The following ULK2 variants were observed in gnomAD, a reference collection of about 807,000 sequenced individuals.
ULK2 encodes the protein serine/threonine-protein kinase ULK2.
ULK2 carries 76 observed loss-of-function variants against 127.5 expected under a neutral mutation model. The observed-to-expected ratio is 0.60, with a 90% CI of 0.50 to 0.72. ULK2 has a LOEUF of 0.72. Ranked by LOEUF, ULK2 falls within the 30% of genes least tolerant of loss-of-function variation. ULK2 has a pLI of 0.00. For synonymous variants in ULK2, 452 were observed against 461.9 expected (o/e 0.98, Z 0.28); for missense variants, 1,144 against 1,295.9 (o/e 0.88, Z 1.80).
intron 18 of ULK2, among the ~76,000 whole-genome samples, chr17:19,796,902 T>G (rs2087284173): frequency 6.6e-6 from 1 of 152,214 alleles, no homozygotes; most frequent in African/African-American, 2.4e-5. Flanking sequence ...TAAGCCTCAA[T>G]TTCCTTTTTT....
In ULK2 at chr17:19,775,873, T is replaced by G. The variant is rs2086803720; in HGVS notation, c.*476A>C. The stretch of plus-strand genomic sequence containing the variant: ...TCTTAAGCTATTTCTTCCTGAGCTG[T>G]TTAAAGATGCATGCTCAGATTTAAA... On this transcript the variant is annotated 3_prime_UTR_variant, in exon 27 of 27. Transcript: ENST00000395544. 1 of 153,416 alleles carries G rather than the reference T, an allele frequency of 6.5e-6. No homozygotes were observed. Among genetic ancestry groups the G allele is most frequent in the African/African-American group, 2.4e-5 (1 of 41,492 alleles). 9.5% of individuals were successfully genotyped at this position (153,416 alleles called of 1,614,324 possible).
intron 3 of ULK2, among the ~76,000 whole-genome samples, chr17:19,856,999 A>G (rs1351296300): frequency 1.4e-5 from 2 of 148,004 alleles, no homozygotes; most frequent in Non-Finnish European, 3.0e-5. Flanking sequence ...AAAAAAAAAA[A>G]AAAAAGAGTT....
chr17:19,781,384 A>C (rs2086917095), intron 23 of ULK2, among the ~76,000 whole-genome samples: 1 of 151,060 alleles, frequency 6.6e-6, no homozygotes, highest in Non-Finnish European at 1.5e-5. Context: ...AATAGTTGGG[A>C]CCACAGGGAC....
chr17:19,777,986 G>A (rs1467183108), intron 25 of ULK2, among the ~76,000 whole-genome samples: 1 of 152,096 alleles, frequency 6.6e-6, no homozygotes, highest in Non-Finnish European at 1.5e-5. Flanking sequence ...TTCTAAACTG[G>A]CTCTTTTATG....
At chr17:19,795,110 CA>C (rs2087239353) in intron 20 of ULK2, among the ~76,000 whole-genome samples, 1 of 151,852 alleles carries the variant, frequency 6.6e-6, no homozygotes, top group Non-Finnish European at 1.5e-5. Flanking sequence ...TTTAAGCAAG[CA>C]AGTCTGGAAT....
intron 1 of ULK2, among the ~76,000 whole-genome samples, chr17:19,867,000 A>G (rs995533869): frequency 1.3e-5 from 2 of 152,250 alleles, no homozygotes; most frequent in African/African-American, 2.4e-5. Flanking sequence ...TTCACGCCCA[A>G]CCCTCGAGTC....
chr17:19,825,885 C>T (rs556471298), intron 11 of ULK2, among the ~76,000 whole-genome samples: 1 of 151,614 alleles, frequency 6.6e-6, no homozygotes, highest in Non-Finnish European at 1.5e-5. Context: ...ACTCCAGAGG[C>T]TGAGGCAGGA....
At chr17:19,845,523 A>C in intron 6 of ULK2, 146 bp from the exon 7 acceptor site, 1 of 585,624 alleles carries the variant, frequency 1.7e-6, no homozygotes, top group Non-Finnish European at 3.0e-6. Flanking sequence ...CCAAAAAAAA[A>C]GTAGCTACCT....
chr17:19,867,340 C>T lies in ULK2; in HGVS notation c.78G>A (p.Gly26=), dbSNP rs1353390540. The T allele has an allele frequency of 1.3e-6, 2 of 1,598,500 alleles. No individual in the cohort carries two copies. ...GHGAFAVVFR[G]RHRQKTDWEV... ...GGCCGGCGCTCACCTGGCGGTGCCG[C>T]CCCCGGAAGACCACGGCGAAGGCCC... Residue 26 remains glycine (G), a synonymous_variant, in exon 1 of 27, where the codon GGG becomes GGA. Coordinates refer to ENST00000395544, the MANE Select transcript of ULK2 (RefSeq NM_014683.4).
Position 19,801,843 on chromosome 17 carries a change from T to C in ULK2, c.1375A>G (p.Thr459Ala), listed in dbSNP as rs1215767602. The C allele has an allele frequency of 3.1e-6, 5 of 1,614,260 alleles. No individual in the cohort carries two copies. The highest frequency in any genetic ancestry group is 2.7e-5 in the African/African-American group (2 of 75,088). ...AGCCTTCGTCCAACTGTCTGTGCTG[T>C]GTCTGCTGGTACTGGGGAGCATGAT... ...PGSCSPVPAD[T>A]AQTVGRRLST... is the part of the protein sequence containing the mutation. The change falls in exon 16 of 27, where the codon ACA (threonine) becomes GCA (alanine). Residue 459 changes from threonine (T) to alanine (A), a missense_variant. Thr to Ala is a moderately conservative substitution (Grantham distance 58). Coordinates refer to ENST00000395544, the MANE Select transcript of ULK2 (RefSeq NM_014683.4).
rs752844964 is a variant in ULK2 at position 19,796,204 on chromosome 17, C to G, written c.1888G>C (p.Glu630Gln). ...TCATTCCCATCTTTCGACTGTTCTT[C>G]AGCAGGCCCATGACGAGTAACCAAG... Reference protein sequence around the residue: ...LALVTRHGPAEEQSKDGNEPR... With the variant: ...LALVTRHGPAQEQSKDGNEPR... Residue 630 changes from glutamate to glutamine, a missense_variant, in exon 19 of 27, where the codon GAA becomes CAA. Glu to Gln is a conservative substitution (Grantham distance 29, BLOSUM62 2). Coordinates refer to ENST00000395544, the MANE Select transcript of ULK2 (RefSeq NM_014683.4). 5 of 1,614,134 alleles carry G rather than the reference C, an allele frequency of 3.1e-6. No homozygotes were observed. Among genetic ancestry groups the G allele is most frequent in the Non-Finnish European group, 4.2e-6 (5 of 1,180,032 alleles).
chr17:19,847,549 C>T (rs1470256475), intron 5 of ULK2, among the ~76,000 whole-genome samples: 2 of 151,880 alleles, frequency 1.3e-5, no homozygotes, highest in Non-Finnish European at 2.9e-5. Flanking sequence ...GTCATTATTC[C>T]GTAAATATTT....
At chr17:19,814,411 C>CATATATATATATATAT (rs35552728) in intron 13 of ULK2, among the ~76,000 whole-genome samples, 1 of 36,534 alleles carries the variant, frequency 2.7e-5, no homozygotes, top group African/African-American at 1.2e-4. Flanking sequence ...TTATTATATA[C>CATATATATATATATAT]ATATATATAT....
rs551577611 is a variant in ULK2, at chr17:19,782,776, C to T, written c.2461-709G>A. Among the ~76,000 whole-genome samples the T allele has an allele frequency of 4.6e-5, 7 of 152,096 alleles. No individual in the cohort carries two copies. In the East Asian group the frequency reaches 9.7e-4, roughly 21 times the overall value. On this transcript the variant is annotated intron_variant, in intron 22 of 26. Transcript: ENST00000395544. ...ACTAAAAATACAAAAATTAGCTGGG[C>T]GTGGTGGCATGTGCCTGTAGTCCCA...
At chr17:19,804,602 T>G in intron 15 of ULK2, 91 bp downstream of exon 15, 2 of 1,407,370 alleles carry the variant, frequency 1.4e-6, no homozygotes, top group Non-Finnish European at 9.5e-7. Flanking sequence ...TAAGACACTA[T>G]GCCACAGAAA....
chr17:19,816,307 T>G (rs1188556444), intron 13 of ULK2, among the ~76,000 whole-genome samples: 1 of 152,216 alleles, frequency 6.6e-6, no homozygotes, highest in African/African-American at 2.4e-5. Context: ...TCACTTGGCT[T>G]CTAGTTCCTT....
intron 17 of ULK2, 33 bp downstream of exon 17, chr17:19,799,462 C>T: frequency 1.4e-6 from 2 of 1,463,624 alleles, no homozygotes; most frequent in South Asian, 1.4e-5. Flanking sequence ...TAATACAATT[C>T]AAATTATTAA....
At chr17:19,783,174 T>C in intron 22 of ULK2, among the ~76,000 whole-genome samples, 1 of 152,116 alleles carries the variant, frequency 6.6e-6, no homozygotes, top group East Asian at 1.9e-4. Context: ...TGCAATAGAA[T>C]GTACTAGAAT....
At chr17:19,862,384 C>G (rs979520470) in intron 3 of ULK2, among the ~76,000 whole-genome samples, 2 of 151,904 alleles carry the variant, frequency 1.3e-5, no homozygotes, top group Non-Finnish European at 2.9e-5. Flanking sequence ...CATGAGCCAT[C>G]GCAACCAGGC....
Sources: gnomAD v4.1 joint callset for allele counts (sites outside exome capture counted in the v4.1 genomes callset) on GRCh38, gnomAD v4.1.1 for gene constraint, MANE v1.5 for transcripts, NCBI Gene and HGNC (gene_info 2026-07-23, HGNC 2026-07-21) for gene names.